The following TERB1 variants were observed in gnomAD, a reference collection of about 807,000 sequenced individuals.
TERB1 encodes the protein telomere repeat binding bouquet formation protein 1, also known as telomere repeats-binding bouquet formation protein 1.
In TERB1, 63 loss-of-function variants were observed where a neutral mutation model predicts 92.3. The observed-to-expected ratio is 0.68, with a 90% CI of 0.56 to 0.84. The LOEUF is 0.84. TERB1 is among the 40% of genes least tolerant of loss of function. The probability of loss-of-function intolerance (pLI) is 0.00; values close to 1 mark genes in which losing one functional copy is unlikely to be tolerated. For missense variants in TERB1, 709 were observed against 843.7 expected (o/e 0.84, Z 1.98); for synonymous variants, 252 against 283.9 (o/e 0.89, Z 1.13).
chr16:66,757,692 C>A (rs1383846156), intron 18 of TERB1, among the ~76,000 whole-genome samples: 2 of 152,168 alleles, frequency 1.3e-5, no homozygotes, highest in African/African-American at 4.8e-5. Flanking sequence ...CAAAATGCTT[C>A]CTGAATGTAT....
At chr16:66,782,276 G>A (rs543383453) in intron 9 of TERB1, among the ~76,000 whole-genome samples, 10 of 152,092 alleles carry the variant, frequency 6.6e-5, no homozygotes, top group Non-Finnish European at 1.5e-4. Context: ...AAGGCCAGGT[G>A]CGGTGGCTCA....
At chr16:66,776,584 G>A (rs1222659296) in intron 11 of TERB1, among the ~76,000 whole-genome samples, 1 of 151,950 alleles carries the variant, frequency 6.6e-6, no homozygotes, top group Non-Finnish European at 1.5e-5. Context: ...AGAGCAAAGG[G>A]AGGAGAGTGG....
chr16:66,780,674 CAGA>C (rs1427561427), intron 9 of TERB1, among the ~76,000 whole-genome samples: 6 of 151,940 alleles, frequency 3.9e-5, no homozygotes, highest in African/African-American at 7.3e-5. Flanking sequence ...GGCATATAAG[CAGA>C]AGAACATCCT....
chr16:66,760,374 A>G lies in TERB1; in HGVS notation c.1781-1084T>C, dbSNP rs1245110852. ...CTTGGGAGGCTGAGGCAGGAGAATCACTTGAACCCGCCAGGCGGAGGCTGC... is the reference window on the plus strand; with the variant it reads ...CTTGGGAGGCTGAGGCAGGAGAATCGCTTGAACCCGCCAGGCGGAGGCTGC... On this transcript the variant is annotated intron_variant, in intron 16 of 18. Transcript: ENST00000433154. Among the ~76,000 whole-genome samples the G allele has an allele frequency of 1.1e-3, 130 of 121,628 alleles. No homozygotes were observed. The Middle Eastern group carries it at 0.021, about 20-fold the overall frequency. 79.8% of individuals were successfully genotyped at this position (121,628 alleles called of 152,430 possible).
intron 14 of TERB1, 68 bp from the exon 15 acceptor site, chr16:66,768,236 G>A: frequency 8.2e-7 from 1 of 1,225,112 alleles, no homozygotes; most frequent in South Asian, 1.3e-5. Context: ...CAATGTTTCT[G>A]TAAGCAGTGT....
At chr16:66,772,770 CA>C in intron 12 of TERB1, 21 bp from the exon 13 acceptor site, 1 of 1,508,814 alleles carries the variant, frequency 6.6e-7, no homozygotes, top group Non-Finnish European at 8.9e-7. Flanking sequence ...TGGGAAAAAA[CA>C]ATGAATGAAA....
At chr16:66,782,038 TCTTATA>T (rs1453041357) in intron 9 of TERB1, among the ~76,000 whole-genome samples, 3 of 152,340 alleles carry the variant, frequency 2.0e-5, no homozygotes, top group African/African-American at 4.8e-5. Flanking sequence ...TATTTTTCAC[TCTTATA>T]CTTATTTAAG....
intron 8 of TERB1, 25 bp downstream of exon 8, chr16:66,785,984 TTTTTA>T: frequency 6.5e-7 from 1 of 1,529,330 alleles, no homozygotes; most frequent in Non-Finnish European, 8.8e-7. Context: ...TTTATCTTTA[TTTTTA>T]TATTTAAACA....
chr16:66,775,985 C>A (rs1423065844), intron 11 of TERB1, among the ~76,000 whole-genome samples: 1 of 151,990 alleles, frequency 6.6e-6, no homozygotes, highest in East Asian at 2.0e-4. Flanking sequence ...GCTGGAATTA[C>A]AGGTGTGAGC....
At chr16:66,794,388 C>A (rs1021114047) in intron 3 of TERB1, among the ~76,000 whole-genome samples, 27 of 152,298 alleles carry the variant, frequency 1.8e-4, no homozygotes, top group African/African-American at 6.3e-4. Context: ...GTGTGAGCCA[C>A]CAAGCCTGGT....
At chr16:66,794,917 A>G (rs59279104) in intron 3 of TERB1, among the ~76,000 whole-genome samples, 2 of 94,604 alleles carry the variant, frequency 2.1e-5, no homozygotes, top group Non-Finnish European at 4.8e-5. Context: ...CTCAAAAAAA[A>G]AAAAAACACA....
At position 66,754,991 on chromosome 16, in the gene TERB1, C is replaced by T. The variant is rs1567462245; in HGVS notation, c.2169G>A (p.Thr723=). 3 of 1,550,678 alleles carry T rather than the reference C, an allele frequency of 1.9e-6. No individual in the cohort carries two copies. Among genetic ancestry groups the T allele is most frequent in the South Asian group, 1.2e-5 (1 of 83,728 alleles). The change falls in exon 19 of 19, where the codon ACG becomes ACA. Residue 723 remains threonine (T), a synonymous_variant. Transcript: ENST00000433154. ...HKYHKLTKHP[T]CAAS ...CTTCTTTCAATCAAGAAGCTGCACA[C>T]GTGGGGTGTTTGGTCAGCTTGTGGT...
In TERB1 at chr16:66,785,847, G is replaced by A. The variant is rs2018720429; in HGVS notation, c.639C>T (p.Cys213=). ...FPHANEWLKN[C]TTPEIIRPIC... ...TAGGGCGAATTATCTCAGGTGTCGTGCAATTTTTTAGCCATTCATTAGCAT... is the reference window on the plus strand; with the variant it reads ...TAGGGCGAATTATCTCAGGTGTCGTACAATTTTTTAGCCATTCATTAGCAT... Residue 213 remains cysteine (C), a synonymous_variant, in exon 9 of 19, where the codon TGC becomes TGT. Coordinates refer to ENST00000433154, the MANE Select transcript of TERB1 (RefSeq NM_001136505.2). The A allele has an allele frequency of 1.3e-6, 2 of 1,549,186 alleles. No homozygotes were observed. The highest frequency in any genetic ancestry group is 1.7e-6 in the Non-Finnish European group (2 of 1,145,916).
rs925075477 is a variant in TERB1 at position 66,800,529 on chromosome 16, T to C, written c.-33+448A>G. Among the ~76,000 whole-genome samples, 5 of 140,196 alleles carry C rather than the reference T, an allele frequency of 3.6e-5. No homozygotes were observed. In the Admixed American group the frequency reaches 3.6e-4, roughly 10 times the overall value. 92.0% of individuals were successfully genotyped at this position (140,196 alleles called of 152,430 possible). On this transcript the variant is annotated intron_variant, in intron 2 of 18. Transcript: ENST00000433154. ...CCTCAGCCTCCCCAGTAGCTGGGAT[T>C]ACAGGCGCCCACCACACCAAGGCCA... is the stretch of plus-strand genomic sequence containing the variant.
intron 9 of TERB1, 81 bp downstream of exon 9, chr16:66,785,705 T>C: frequency 9.0e-6 from 12 of 1,336,776 alleles, no homozygotes; most frequent in South Asian, 1.7e-5. Context: ...ATTCAATTGA[T>C]TCAATAATAA....
At chr16:66,795,080 G>C (rs924244087) in intron 3 of TERB1, among the ~76,000 whole-genome samples, 2 of 152,110 alleles carry the variant, frequency 1.3e-5, no homozygotes, top group African/African-American at 4.8e-5. Flanking sequence ...TAAATAGGGG[G>C]CTTGTGTTCA....
At chr16:66,779,391 G>C (rs952921354) in intron 9 of TERB1, among the ~76,000 whole-genome samples, 2 of 152,110 alleles carry the variant, frequency 1.3e-5, no homozygotes, top group African/African-American at 4.8e-5. Flanking sequence ...TGAGTCAGGA[G>C]TTCAAGACCA....
intron 14 of TERB1, among the ~76,000 whole-genome samples, chr16:66,768,382 G>A (rs1009474338): frequency 5.9e-5 from 9 of 152,224 alleles, no homozygotes; most frequent in Admixed American, 3.3e-4. Context: ...ACTCCAGAGG[G>A]CAATAGTATT....
At chr16:66,778,499 C>T (rs571126516) in intron 10 of TERB1, among the ~76,000 whole-genome samples, 5 of 152,260 alleles carry the variant, frequency 3.3e-5, no homozygotes, top group Admixed American at 6.5e-5. Flanking sequence ...CTCACTGCAA[C>T]CTCCACCTCC....
Sources: gnomAD v4.1 joint callset for allele counts (sites outside exome capture counted in the v4.1 genomes callset) on GRCh38, gnomAD v4.1.1 for gene constraint, MANE v1.5 for transcripts, NCBI Gene and HGNC (gene_info 2026-07-23, HGNC 2026-07-21) for gene names.